Variants in ARL15 observed in about 807,000 individuals in gnomAD.
ARL15 encodes the protein ARF like GTPase 15, also known as ADP-ribosylation factor-like protein 15.
A neutral mutation model predicts 25.2 loss-of-function variants in ARL15; 19 were observed. The observed-to-expected ratio is 0.75, with a 90% CI of 0.53 to 1.10. The LOEUF (loss-of-function observed/expected upper bound fraction) is 1.10, where lower values mean the gene tolerates loss of function less well. Ranked by LOEUF, ARL15 falls within the 50% of genes least tolerant of loss-of-function variation. The probability of loss-of-function intolerance (pLI) is 0.00; values close to 1 mark genes in which losing one functional copy is unlikely to be tolerated. For missense variants in ARL15, 220 were observed against 246.0 expected (o/e 0.89, Z 0.71); for synonymous variants, 94 against 86.8 (o/e 1.08, Z -0.46).
chr5:53,903,103 G>C (rs987014146), intron 4 of ARL15, among the ~76,000 whole-genome samples: 2 of 152,080 alleles, frequency 1.3e-5, no homozygotes, highest in Admixed American at 6.5e-5. Flanking sequence ...CCGTACTGAG[G>C]AATTTTAGCC....
intron 4 of ARL15, among the ~76,000 whole-genome samples, chr5:54,090,297 G>T (rs563815913): frequency 3.4e-4 from 51 of 151,906 alleles, no homozygotes; most frequent in African/African-American, 1.2e-3. Flanking sequence ...AAATAATAAT[G>T]AACAAAAATA....
intron 4 of ARL15, among the ~76,000 whole-genome samples, chr5:53,942,149 G>T (rs1411386645): frequency 1.3e-5 from 2 of 152,110 alleles, no homozygotes; most frequent in African/African-American, 4.8e-5. Flanking sequence ...AAAGGCAACT[G>T]GTCTTGCTCA....
At chr5:54,198,027 A>T (rs962931410) in intron 1 of ARL15, among the ~76,000 whole-genome samples, 1 of 152,044 alleles carries the variant, frequency 6.6e-6, no homozygotes, top group Non-Finnish European at 1.5e-5. Context: ...GCATATAAAC[A>T]GAACCAAAGA....
intron 3 of ARL15, among the ~76,000 whole-genome samples, chr5:54,146,415 A>G (rs1355919216): frequency 1.3e-5 from 2 of 151,678 alleles, no homozygotes; most frequent in Non-Finnish European, 2.9e-5. Flanking sequence ...CGACTGCTGG[A>G]AAAAAAAATA....
At chr5:54,190,392 C>CAAAA (rs35551500) in intron 1 of ARL15, among the ~76,000 whole-genome samples, 6 of 120,066 alleles carry the variant, frequency 5.0e-5, no homozygotes, top group African/African-American at 9.5e-5. Context: ...GACGTTGTCT[C>CAAAA]AAAAAAAAAA....
At chr5:54,065,793 A>G (rs1751211792) in intron 4 of ARL15, among the ~76,000 whole-genome samples, 1 of 152,234 alleles carries the variant, frequency 6.6e-6, no homozygotes, top group African/African-American at 2.4e-5. Flanking sequence ...AAAATAATGT[A>G]AAACCTCTCA....
chr5:54,253,053 G>A (rs2112603739), intron 1 of ARL15, among the ~76,000 whole-genome samples: 2 of 151,850 alleles, frequency 1.3e-5, no homozygotes, highest in Middle Eastern at 3.4e-3. Context: ...TTTTAAAAAA[G>A]CAAGAATCAG....
chr5:54,238,574 TA>T (rs1707269613), intron 1 of ARL15, among the ~76,000 whole-genome samples: 1 of 152,214 alleles, frequency 6.6e-6, no homozygotes, highest in African/African-American at 2.4e-5. Context: ...TGGCTATCTC[TA>T]AAGCCATCTT....
At chr5:54,230,311 A>C (rs1233487059) in intron 1 of ARL15, among the ~76,000 whole-genome samples, 1 of 147,816 alleles carries the variant, frequency 6.8e-6, no homozygotes, top group Admixed American at 6.9e-5. Flanking sequence ...GCGCCACTGC[A>C]CTCCAGCCTG....
At chr5:54,065,655 G>C (rs898943977) in intron 4 of ARL15, among the ~76,000 whole-genome samples, 1 of 148,976 alleles carries the variant, frequency 6.7e-6, no homozygotes, top group Non-Finnish European at 1.5e-5. Context: ...GCAACAGAGA[G>C]AGACTGTCTC....
At chr5:54,106,347 T>C (rs1317967444) in intron 4 of ARL15, among the ~76,000 whole-genome samples, 1 of 152,004 alleles carries the variant, frequency 6.6e-6, no homozygotes, top group Non-Finnish European at 1.5e-5. Flanking sequence ...AGTAAGGAAA[T>C]CTGGATAAAG....
intron 1 of ARL15, among the ~76,000 whole-genome samples, chr5:54,246,910 T>C (rs1323562747): frequency 6.7e-6 from 1 of 149,392 alleles, no homozygotes; most frequent in African/African-American, 2.5e-5. Flanking sequence ...AGAGGGTGAT[T>C]AAGAAAAAAA....
chr5:53,918,896 A>G (rs942184281), intron 4 of ARL15, among the ~76,000 whole-genome samples: 16 of 152,184 alleles, frequency 1.1e-4, no homozygotes, highest in Non-Finnish European at 1.9e-4. Flanking sequence ...CAAATCTACA[A>G]TCTAATTACA....
chr5:54,128,005 T>A (rs749410260), intron 3 of ARL15, among the ~76,000 whole-genome samples: 1 of 151,352 alleles, frequency 6.6e-6, no homozygotes, highest in East Asian at 1.9e-4. Context: ...TTACACCTTA[T>A]ACAAAAATTA....
chr5:54,103,497 A>G (rs147710376), intron 4 of ARL15, among the ~76,000 whole-genome samples: 1 of 152,262 alleles, frequency 6.6e-6, no homozygotes, highest in East Asian at 1.9e-4. Context: ...ATTCTATATA[A>G]AGAGATATTA....
intron 3 of ARL15, among the ~76,000 whole-genome samples, chr5:54,119,450 C>T (rs1184155174): frequency 6.6e-6 from 1 of 152,086 alleles, no homozygotes. Flanking sequence ...TATAAATTAC[C>T]CAGTCTCAAA....
intron 4 of ARL15, among the ~76,000 whole-genome samples, chr5:53,899,620 ATATTAT>A (rs1213041127): frequency 1.3e-5 from 2 of 151,896 alleles, no homozygotes; most frequent in Admixed American, 6.6e-5. Context: ...ACCCCCATAT[ATATTAT>A]TATGTTTCAA....
chr5:54,077,856 G>A lies in ARL15; in HGVS notation c.462+35346C>T, dbSNP rs1579773507. 2.6e-5 allele frequency among the ~76,000 whole-genome samples: 4 copies of A among 152,172 alleles called. No homozygotes were observed. In the East Asian group the frequency reaches 5.8e-4, roughly 22 times the overall value. ...ACCTGATTTTTAACTACCTTTCAAG[G>A]GATATTTTACAATGTTTTTGTGAAC... On this transcript the variant is annotated intron_variant, in intron 4 of 4. Coordinates refer to ENST00000504924, the MANE Select transcript of ARL15 (RefSeq NM_019087.3).
intron 4 of ARL15, among the ~76,000 whole-genome samples, chr5:54,017,621 G>GCAACAA (rs59853568): frequency 6.8e-6 from 1 of 146,612 alleles, no homozygotes; most frequent in Non-Finnish European, 1.5e-5. Context: ...CCAAACCAAA[G>GCAACAA]CAACAACAAC....
Sources: allele counts gnomAD v4.1 joint callset (sites outside exome capture counted in the v4.1 genomes callset), GRCh38; gene constraint gnomAD v4.1.1; transcripts MANE v1.5; gene names NCBI Gene and HGNC (gene_info 2026-07-23, HGNC 2026-07-21).